Variants in MAPK4 observed in about 807,000 individuals in gnomAD.
MAPK4 encodes the protein mitogen-activated protein kinase 4.
In MAPK4, 22 loss-of-function variants were observed where a neutral mutation model predicts 47.7. The observed-to-expected ratio is 0.46, with a 90% CI of 0.33 to 0.66. MAPK4 has a LOEUF of 0.66. Ranked by LOEUF, MAPK4 falls within the 30% of genes least tolerant of loss-of-function variation. The probability of loss-of-function intolerance (pLI) is 0.02; values close to 1 mark genes in which losing one functional copy is unlikely to be tolerated. For missense variants in MAPK4, 736 were observed against 831.7 expected, an observed-to-expected ratio of 0.88 and a Z score of 1.42; for synonymous variants, 390 against 365.7, an observed-to-expected ratio of 1.07 and a Z score of -0.76.
At chr18:50,564,054 T>C (rs1355305510) in intron 1 of MAPK4, among the ~76,000 whole-genome samples, 1 of 152,132 alleles carries the variant, frequency 6.6e-6, no homozygotes, top group Non-Finnish European at 1.5e-5. Context: ...CCCCCTCACA[T>C]AGCCAGTCTT....
chr18:50,592,431 A>G (rs1195447742), intron 1 of MAPK4, among the ~76,000 whole-genome samples: 2 of 152,202 alleles, frequency 1.3e-5, no homozygotes, highest in African/African-American at 4.8e-5. Flanking sequence ...CCCCCTCGCT[A>G]GGATCTTTGA....
chr18:50,633,154 T>A (rs538215771), intron 1 of MAPK4, among the ~76,000 whole-genome samples: 2 of 152,306 alleles, frequency 1.3e-5, no homozygotes, highest in East Asian at 3.9e-4. Context: ...TCTTGTCTCC[T>A]CTGCTGAGGG....
chr18:50,582,501 C>T (rs2042354623), intron 1 of MAPK4, among the ~76,000 whole-genome samples: 1 of 152,210 alleles, frequency 6.6e-6, no homozygotes, highest in Admixed American at 6.5e-5. Context: ...TAGACTAGGC[C>T]AGTGGTTCTC....
chr18:50,711,068 T>C (rs1321797088), intron 2 of MAPK4, among the ~76,000 whole-genome samples: 1 of 152,208 alleles, frequency 6.6e-6, no homozygotes, highest in East Asian at 1.9e-4. Flanking sequence ...TGATCCAGGC[T>C]GTTCTGAATT....
intron 1 of MAPK4, among the ~76,000 whole-genome samples, chr18:50,562,622 G>A (rs1245831042): frequency 6.6e-6 from 1 of 152,202 alleles, no homozygotes; most frequent in African/African-American, 2.4e-5. Flanking sequence ...TTCCTGCTAA[G>A]AGATTTGATG....
intron 1 of MAPK4, among the ~76,000 whole-genome samples, chr18:50,611,697 T>C (rs1307139117): frequency 6.6e-6 from 1 of 152,184 alleles, no homozygotes; most frequent in Non-Finnish European, 1.5e-5. Context: ...TCTTCAGGGT[T>C]TGCAGAGAAA....
intron 5 of MAPK4, 78 bp from the exon 6 acceptor site, chr18:50,729,078 CAG>C: frequency 8.0e-7 from 1 of 1,250,984 alleles, no homozygotes; most frequent in Non-Finnish European, 1.1e-6. Flanking sequence ...GAGTGGCAAA[CAG>C]GGATTAGAGG....
chr18:50,710,779 CTAAATAAATAAA>C (rs56152549), intron 2 of MAPK4, among the ~76,000 whole-genome samples: 40,725 of 144,854 alleles, frequency 0.28, 6,675 homozygotes, highest in East Asian at 0.51. Context: ...GACTCCGTCT[CTAAATAAATAAA>C]TAAATAAATA....
At chr18:50,677,103 C>A (rs1908316397) in intron 2 of MAPK4, among the ~76,000 whole-genome samples, 1 of 152,142 alleles carries the variant, frequency 6.6e-6, no homozygotes, top group Non-Finnish European at 1.5e-5. Context: ...TACAAGGAAT[C>A]TAGGTTGCAC....
chr18:50,631,702 C>T (rs2042831790), intron 1 of MAPK4, among the ~76,000 whole-genome samples: 1 of 152,018 alleles, frequency 6.6e-6, no homozygotes, highest in Non-Finnish European at 1.5e-5. Flanking sequence ...TTTAACTCTC[C>T]ATGTGTGGCC....
intron 1 of MAPK4, among the ~76,000 whole-genome samples, chr18:50,563,794 A>G (rs1270165859): frequency 6.6e-6 from 1 of 151,780 alleles, no homozygotes; most frequent in Non-Finnish European, 1.5e-5. Flanking sequence ...CCTCTCCATC[A>G]TTTTCAGCTG....
chr18:50,725,361 C>T (rs1203452934), intron 4 of MAPK4, among the ~76,000 whole-genome samples: 1 of 152,220 alleles, frequency 6.6e-6, no homozygotes, highest in East Asian at 1.9e-4. Flanking sequence ...TCGACTGCAG[C>T]ATTCCCCTTT....
intron 1 of MAPK4, among the ~76,000 whole-genome samples, chr18:50,661,504 T>C (rs2043171492): frequency 6.6e-6 from 1 of 152,220 alleles, no homozygotes; most frequent in African/African-American, 2.4e-5. Flanking sequence ...CAAGCCTTGG[T>C]ATCCTCACCT....
At chr18:50,677,003 G>T (rs1402802080) in intron 2 of MAPK4, among the ~76,000 whole-genome samples, 1 of 152,204 alleles carries the variant, frequency 6.6e-6, no homozygotes, top group Non-Finnish European at 1.5e-5. Context: ...TGGCTGGTGA[G>T]GGAGCATCCT....
chr18:50,657,664 A>G lies in MAPK4; in HGVS notation c.-870-5425A>G, dbSNP rs140769407. Among the ~76,000 whole-genome samples, 5 of 151,868 alleles carry G rather than the reference A, an allele frequency of 3.3e-5. No homozygotes were observed. The South Asian group carries it at 6.3e-4, about 19-fold the overall frequency. On this transcript the variant is annotated intron_variant, in intron 1 of 5. Coordinates refer to ENST00000400384, the MANE Select transcript of MAPK4 (RefSeq NM_002747.4). ...TGATTTTGTGCCTCCCCGACAGGTG[A>G]CAGTTGTCAGTGTTTGGAGACACTT...
At chr18:50,614,665 C>T (rs1568046000) in intron 1 of MAPK4, among the ~76,000 whole-genome samples, 1 of 152,136 alleles carries the variant, frequency 6.6e-6, no homozygotes, top group Non-Finnish European at 1.5e-5. Flanking sequence ...AAATCAGTTT[C>T]ACATGTCACA....
chr18:50,652,256 A>G (rs997741989), intron 1 of MAPK4, among the ~76,000 whole-genome samples: 10 of 152,160 alleles, frequency 6.6e-5, no homozygotes, highest in Non-Finnish European at 1.5e-4. Context: ...AGATTTCTTC[A>G]CCAGAAAACA....
intron 1 of MAPK4, among the ~76,000 whole-genome samples, chr18:50,589,544 C>G (rs922126125): frequency 1.4e-5 from 2 of 146,918 alleles, no homozygotes; most frequent in African/African-American, 2.5e-5. Flanking sequence ...TGCAGTGAGC[C>G]GAGATCGCGC....
intron 1 of MAPK4, among the ~76,000 whole-genome samples, chr18:50,590,443 C>A (rs986762387): frequency 6.6e-6 from 1 of 152,188 alleles, no homozygotes; most frequent in African/African-American, 2.4e-5. Flanking sequence ...ATAAGTCCAG[C>A]AGGAGCTCAG....
Sources: allele counts gnomAD v4.1 joint callset (sites outside exome capture counted in the v4.1 genomes callset), GRCh38; gene constraint gnomAD v4.1.1; transcripts MANE v1.5; gene names NCBI Gene and HGNC (gene_info 2026-07-23, HGNC 2026-07-21).